Variants in DOCK1 observed in about 807,000 individuals in gnomAD.
DOCK1 encodes dedicator of cytokinesis 1.
Under a neutral mutation model 262.7 loss-of-function variants are expected in DOCK1, and 138 were observed. The observed-to-expected ratio is 0.53, with a 90% confidence interval of 0.46 to 0.61. The LOEUF is 0.61. DOCK1 is among the 20% of genes least tolerant of loss of function. The probability of loss-of-function intolerance (pLI) is 0.00; values close to 1 mark genes in which losing one functional copy is unlikely to be tolerated. For missense variants in DOCK1, 1,908 were observed against 2,370.7 expected, an observed-to-expected ratio of 0.80 and a Z score of 4.05; for synonymous variants, 866 against 867.4, an observed-to-expected ratio of 1.00 and a Z score of 0.03.
At chr10:127,188,223 G>A (rs1003847059) in intron 27 of DOCK1, among the ~76,000 whole-genome samples, 1 of 152,138 alleles carries the variant, frequency 6.6e-6, no homozygotes, top group African/African-American at 2.4e-5. Context: ...ACAAACAGAT[G>A]GGGTGGATTC....
At chr10:127,411,659 G>A (rs2067854988) in intron 43 of DOCK1, among the ~76,000 whole-genome samples, 1 of 152,054 alleles carries the variant, frequency 6.6e-6, no homozygotes, top group Non-Finnish European at 1.5e-5. Context: ...TGACCAACAT[G>A]GTAAAACACT....
intron 27 of DOCK1, among the ~76,000 whole-genome samples, chr10:127,177,340 A>G (rs752639210): frequency 7.2e-5 from 11 of 152,360 alleles, no homozygotes; most frequent in Non-Finnish European, 1.3e-4. Flanking sequence ...CAGGTGGCCA[A>G]TGACTCCTCT....
intron 2 of DOCK1, 126 bp downstream of exon 2, chr10:126,970,911 C>G (rs949374009): frequency 2.8e-6 from 3 of 1,065,676 alleles, no homozygotes; most frequent in Admixed American, 5.5e-5. Flanking sequence ...TTCTCAGGCT[C>G]CCTTTTCTTG....
intron 1 of DOCK1, among the ~76,000 whole-genome samples, chr10:126,964,249 TC>T (rs1228304001): frequency 1.3e-5 from 2 of 152,210 alleles, no homozygotes; most frequent in Non-Finnish European, 2.9e-5. Flanking sequence ...GAAAGGTTGT[TC>T]CTTGGAGACC....
At chr10:127,004,938 C>T (rs922751217) in intron 10 of DOCK1, among the ~76,000 whole-genome samples, 1 of 152,156 alleles carries the variant, frequency 6.6e-6, no homozygotes, top group African/African-American at 2.4e-5. Context: ...CTCTGCCCCG[C>T]TTATCACATG....
intron 29 of DOCK1, 62 bp downstream of exon 29, chr10:127,257,491 C>T (rs534196140): frequency 6.8e-7 from 1 of 1,465,890 alleles, no homozygotes; most frequent in African/African-American, 1.4e-5. Context: ...CTGCTGGGAA[C>T]AGTGGTGTTG....
chr10:127,060,570 CTG>C (rs1288594609), intron 22 of DOCK1, among the ~76,000 whole-genome samples: 5 of 152,172 alleles, frequency 3.3e-5, no homozygotes, highest in Admixed American at 6.5e-5. Flanking sequence ...TTAGTAAACA[CTG>C]TATTAATAAA....
chr10:127,374,293 C>A, intron 35 of DOCK1, 79 bp downstream of exon 35: 1 of 1,470,160 alleles, frequency 6.8e-7, no homozygotes, highest in South Asian at 1.4e-5. Context: ...CAGCCCTTAT[C>A]TATGACAGTC....
intron 3 of DOCK1, 97 bp downstream of exon 3, chr10:126,978,085 C>A: frequency 8.3e-7 from 1 of 1,208,968 alleles, no homozygotes; most frequent in Admixed American, 1.8e-5. Context: ...GGTTTTACTT[C>A]TATATCTCTT....
At chr10:127,121,499 A>G (rs996229961) in intron 25 of DOCK1, among the ~76,000 whole-genome samples, 17 of 111,216 alleles carry the variant, frequency 1.5e-4, no homozygotes, top group Admixed American at 3.9e-4. Flanking sequence ...CTGTCTGTCC[A>G]TCTGTCTGTT....
chr10:127,201,880 G>T (rs1460529883), intron 27 of DOCK1, among the ~76,000 whole-genome samples: 3 of 152,120 alleles, frequency 2.0e-5, no homozygotes, highest in African/African-American at 7.2e-5. Context: ...TCGTCACTGG[G>T]GAGCCAACCT....
chr10:127,275,561 G>C (rs10829682), intron 29 of DOCK1, among the ~76,000 whole-genome samples: 22,934 of 152,086 alleles, frequency 0.15, 1,982 homozygotes, highest in East Asian at 0.25. Flanking sequence ...TGTTGATTTA[G>C]GGCATGTTGG....
Position 127,342,282 on chromosome 10 carries a change from C to G in DOCK1, c.3124-1364C>G, listed in dbSNP as rs183765143. On this transcript the variant is annotated intron_variant, in intron 30 of 51. Transcript: ENST00000623213. ...GCTGAAATCGGTGGGAGGTGTCAGT[C>G]CCAAAAACAAAAGGAACGACTTGTA... Among the ~76,000 whole-genome samples, 21 of 152,082 alleles carry G rather than the reference C, an allele frequency of 1.4e-4. 1 individual carries two copies. In the East Asian group the frequency reaches 3.9e-3, roughly 28 times the overall value.
chr10:127,296,835 G>A (rs1590324959), intron 29 of DOCK1, among the ~76,000 whole-genome samples: 1 of 152,206 alleles, frequency 6.6e-6, no homozygotes, highest in Non-Finnish European at 1.5e-5. Context: ...GGGCACAGCT[G>A]AAGAAGGAGA....
chr10:126,907,955 G>C (rs1457094330), intron 1 of DOCK1, among the ~76,000 whole-genome samples: 2 of 152,182 alleles, frequency 1.3e-5, no homozygotes, highest in Admixed American at 1.3e-4. Flanking sequence ...AAAGTATCTG[G>C]GATGGTTTTG....
At chr10:127,254,473 A>C (rs1488610536) in intron 28 of DOCK1, among the ~76,000 whole-genome samples, 2 of 152,180 alleles carry the variant, frequency 1.3e-5, no homozygotes, top group African/African-American at 4.8e-5. Context: ...CTGCTGTGTT[A>C]CTTCAGGAAG....
intron 27 of DOCK1, chr10:127,195,919 G>A (rs1483599290): frequency 6.6e-6 from 1 of 152,236 alleles, no homozygotes; most frequent in Non-Finnish European, 1.5e-5. Context: ...GTCGGCGCCC[G>A]TCCCAGCGGT....
At chr10:127,341,230 A>G (rs1455131201) in intron 30 of DOCK1, among the ~76,000 whole-genome samples, 1 of 152,198 alleles carries the variant, frequency 6.6e-6, no homozygotes, top group Non-Finnish European at 1.5e-5. Context: ...GAAATGCTAC[A>G]ATTAACATAA....
intron 1 of DOCK1, among the ~76,000 whole-genome samples, chr10:126,958,829 G>A (rs1407892078): frequency 6.6e-6 from 1 of 152,118 alleles, no homozygotes; most frequent in African/African-American, 2.4e-5. Flanking sequence ...AAAAAGAGTC[G>A]AACTCTGTGA....
Sources: allele counts gnomAD v4.1 joint callset (sites outside exome capture counted in the v4.1 genomes callset), GRCh38; gene constraint gnomAD v4.1.1; transcripts MANE v1.5; gene names NCBI Gene and HGNC (gene_info 2026-07-23, HGNC 2026-07-21).